The following PUDP variants were observed in gnomAD, a reference collection of about 807,000 sequenced individuals.
PUDP encodes pseudouridine-5'-phosphatase.
In PUDP, 8 loss-of-function variants were observed where a neutral mutation model predicts 9.4. The observed-to-expected ratio is 0.85, with a 90% CI of 0.50 to 1.53. The LOEUF (loss-of-function observed/expected upper bound fraction) is 1.53. Among genes scored for constraint, PUDP ranks in the 40% most tolerant of loss-of-function variants. The pLI is 0.00. For synonymous variants in PUDP, 99 were observed against 80.7 expected (o/e 1.23, Z -1.22); for missense variants, 188 against 189.7 (o/e 0.99, Z 0.05).
intron 3 of PUDP, among the ~76,000 whole-genome samples, chrX:6,835,171 T>C (rs937185324): frequency 1.1e-4 from 12 of 110,763 alleles, no homozygotes; most frequent in South Asian, 3.9e-4. Flanking sequence ...ACTGAAGAAA[T>C]TGGGGAGCCT....
intron 3 of PUDP, among the ~76,000 whole-genome samples, chrX:6,779,764 T>C (rs1449722523): frequency 9.0e-6 from 1 of 110,823 alleles, no homozygotes; most frequent in Non-Finnish European, 1.9e-5. Context: ...ATCCAGCCTT[T>C]ACCAAAAAAA....
At chrX:6,982,441 G>A (rs933834358) in intron 1 of PUDP, among the ~76,000 whole-genome samples, 1 of 109,788 alleles carries the variant, frequency 9.1e-6, no homozygotes, top group Non-Finnish European at 1.9e-5. Context: ...CCATCATAGG[G>A]GTGTGGTAAG....
intron 1 of PUDP, among the ~76,000 whole-genome samples, chrX:7,004,778 A>G (rs756363325): frequency 8.9e-6 from 1 of 112,276 alleles, no homozygotes; most frequent in South Asian, 3.7e-4. Flanking sequence ...AAGGAGTATT[A>G]GGAAGTCAGG....
At chrX:6,920,158 A>G (rs969880397) in intron 3 of PUDP, among the ~76,000 whole-genome samples, 1 of 109,875 alleles carries the variant, frequency 9.1e-6, no homozygotes, top group African/African-American at 3.3e-5. Context: ...GCATCCTTTC[A>G]AGCAGTCTTC....
chrX:7,068,789 A>G (rs1254212846), intron 3 of PUDP, among the ~76,000 whole-genome samples: 2 of 112,015 alleles, frequency 1.8e-5, no homozygotes, highest in Admixed American at 9.4e-5. Flanking sequence ...GGCAGTGCAG[A>G]TTCATGAGCC....
chrX:7,032,809 C>T (rs1272024175), intron 1 of PUDP, among the ~76,000 whole-genome samples: 2 of 110,734 alleles, frequency 1.8e-5, no homozygotes, highest in Admixed American at 9.6e-5. Flanking sequence ...TGTGTAAACT[C>T]ATCAGAATAT....
intron 1 of PUDP, among the ~76,000 whole-genome samples, chrX:7,115,757 A>G (rs1324004591): frequency 2.7e-5 from 3 of 112,704 alleles, no homozygotes; most frequent in African/African-American, 6.5e-5. Context: ...CACACAGCAC[A>G]GAGCCCAGAT....
chrX:6,740,220 G>T (rs770234007), intron 3 of PUDP, among the ~76,000 whole-genome samples: 1 of 111,261 alleles, frequency 9.0e-6, no homozygotes, highest in South Asian at 3.7e-4. Flanking sequence ...ATGCAGCACT[G>T]GTGTTTGTTA....
intron 1 of PUDP, among the ~76,000 whole-genome samples, chrX:7,006,130 G>T (rs1047299794): frequency 8.9e-6 from 1 of 112,021 alleles, no homozygotes; most frequent in Non-Finnish European, 1.9e-5. Context: ...AAATAGTGCT[G>T]CCATAAACGT....
intron 3 of PUDP, among the ~76,000 whole-genome samples, chrX:6,880,990 G>C (rs1478989617): frequency 8.9e-6 from 1 of 112,508 alleles, no homozygotes; most frequent in Admixed American, 9.5e-5. Context: ...AAACAAACCA[G>C]AATGTATTAT....
At chrX:6,925,200 A>G (rs769618434) in intron 3 of PUDP, among the ~76,000 whole-genome samples, 338 of 112,119 alleles carry the variant, frequency 3.0e-3, no homozygotes, top group Non-Finnish European at 5.4e-3. Flanking sequence ...CTGTGGTCCC[A>G]GCTATTCAGG....
chrX:7,065,868 C>T (rs1569150125), intron 3 of PUDP, among the ~76,000 whole-genome samples: 1 of 112,192 alleles, frequency 8.9e-6, no homozygotes, highest in Non-Finnish European at 1.9e-5. Flanking sequence ...ATTCAATACA[C>T]CATTCTCCTC....
At chrX:6,802,146 C>T (rs770716610) in intron 3 of PUDP, among the ~76,000 whole-genome samples, 4 of 111,581 alleles carry the variant, frequency 3.6e-5, no homozygotes, top group Admixed American at 9.5e-5. Flanking sequence ...TTACAAAGCT[C>T]GATTGCTTCT....
At chrX:7,132,688 A>G (rs756318875) in intron 1 of PUDP, among the ~76,000 whole-genome samples, 1 of 112,153 alleles carries the variant, frequency 8.9e-6, no homozygotes, top group Non-Finnish European at 1.9e-5. Context: ...CTTCTCTTAG[A>G]AAGTACTTAA....
chrX:7,003,745 G>T (rs1474199104), intron 1 of PUDP, among the ~76,000 whole-genome samples: 1 of 111,944 alleles, frequency 8.9e-6, no homozygotes, highest in Non-Finnish European at 1.9e-5. Context: ...TTGTGGTTGG[G>T]AAAGAGAGTA....
intron 3 of PUDP, among the ~76,000 whole-genome samples, chrX:6,901,235 A>C (rs1255916910): frequency 8.9e-6 from 1 of 112,040 alleles, no homozygotes; most frequent in African/African-American, 3.2e-5. Flanking sequence ...ATGATGTAAG[A>C]TCAGATCAAA....
At chrX:6,777,191 T>C (rs886550728) in intron 3 of PUDP, among the ~76,000 whole-genome samples, 4 of 112,477 alleles carry the variant, frequency 3.6e-5, no homozygotes, top group Non-Finnish European at 7.5e-5. Flanking sequence ...TCCTTGCTAT[T>C]TATGATGCTT....
At chrX:6,718,353 C>T (rs1317157456) in intron 1 of PUDP, among the ~76,000 whole-genome samples, 1 of 112,127 alleles carries the variant, frequency 8.9e-6, no homozygotes, top group Non-Finnish European at 1.9e-5. Context: ...AAGTGTCCAT[C>T]AACAGAGGAC....
intron 1 of PUDP, among the ~76,000 whole-genome samples, chrX:7,019,560 C>T (rs1191019826): frequency 9.0e-6 from 1 of 111,536 alleles, no homozygotes; most frequent in Non-Finnish European, 1.9e-5. Context: ...CTGAAAGAAA[C>T]ATTTGCCATC....
Sources: gnomAD v4.1 joint callset for allele counts (sites outside exome capture counted in the v4.1 genomes callset) on GRCh38, gnomAD v4.1.1 for gene constraint, MANE v1.5 for transcripts, NCBI Gene and HGNC (gene_info 2026-07-23, HGNC 2026-07-21) for gene names.